The following OPHN1 variants were observed in gnomAD, a reference collection of about 807,000 sequenced individuals.
OPHN1 encodes the protein oligophrenin-1.
Under a neutral mutation model 60.7 loss-of-function variants are expected in OPHN1, and 11 were observed. That is an observed-to-expected ratio of 0.18 (90% CI 0.11 to 0.30). OPHN1 has a LOEUF of 0.30. OPHN1 is among the 10% of genes least tolerant of loss of function. The probability of loss-of-function intolerance (pLI) is 1.00; values close to 1 mark genes in which losing one functional copy is unlikely to be tolerated. For missense variants in OPHN1, 449 were observed against 611.0 expected (o/e 0.73, Z 2.80); for synonymous variants, 226 against 222.6 (o/e 1.02, Z -0.14).
At chrX:68,072,726 T>C (rs1431087069) in intron 20 of OPHN1, among the ~76,000 whole-genome samples, 2 of 112,012 alleles carry the variant, frequency 1.8e-5, no homozygotes, top group Non-Finnish European at 3.8e-5. Flanking sequence ...CACTTATCTA[T>C]GTCTCCATTT....
intron 15 of OPHN1, among the ~76,000 whole-genome samples, chrX:68,169,539 G>A (rs1399740034): frequency 2.8e-5 from 3 of 108,297 alleles, no homozygotes; most frequent in Admixed American, 9.9e-5. Context: ...TATACTACAA[G>A]GCTACAGTAA....
chrX:68,191,709 C>T lies in OPHN1; in HGVS notation c.1276+1210G>A, dbSNP rs777470691. On this transcript the variant is annotated intron_variant, in intron 15 of 24. Transcript: ENST00000355520. ...TAGATTGCAGCAGATGGAGTGGGAACTCAAGCTGAGCATGGAAGTCTTGCT... is the reference window on the plus strand; with the variant it reads ...TAGATTGCAGCAGATGGAGTGGGAATTCAAGCTGAGCATGGAAGTCTTGCT... Among the ~76,000 whole-genome samples the T allele has an allele frequency of 1.3e-3, 142 of 111,887 alleles. 1 individual carries two copies. Among genetic ancestry groups the T allele is most frequent in the Admixed American group, 2.9e-3 (31 of 10,511 alleles).
At chrX:68,217,532 T>G (rs1468654859) in intron 6 of OPHN1, among the ~76,000 whole-genome samples, 6 of 110,303 alleles carry the variant, frequency 5.4e-5, no homozygotes, top group African/African-American at 2.0e-4. Flanking sequence ...TGTCCCTGTC[T>G]GACAGCTTTG....
chrX:68,165,161 C>T (rs2077352237), intron 15 of OPHN1, among the ~76,000 whole-genome samples: 1 of 112,036 alleles, frequency 8.9e-6, no homozygotes, highest in Non-Finnish European at 1.9e-5. Context: ...TCTTTCTTAT[C>T]ATTTGTGTCT....
At chrX:68,414,146 A>G (rs2078782665) in intron 2 of OPHN1, among the ~76,000 whole-genome samples, 1 of 112,145 alleles carries the variant, frequency 8.9e-6, no homozygotes, top group Non-Finnish European at 1.9e-5. Flanking sequence ...GACCAGAACT[A>G]AAGATTGTTC....
chrX:68,406,537 G>A (rs979744473), intron 2 of OPHN1, among the ~76,000 whole-genome samples: 7 of 110,595 alleles, frequency 6.3e-5, no homozygotes, highest in Admixed American at 2.9e-4. Flanking sequence ...ACTTGAACCC[G>A]GGAGGTGGAG....
At chrX:68,149,561 C>T (rs1294491982) in intron 15 of OPHN1, among the ~76,000 whole-genome samples, 1 of 111,314 alleles carries the variant, frequency 9.0e-6, no homozygotes, top group African/African-American at 3.3e-5. Flanking sequence ...TGACATTAAT[C>T]TGTAGGGAAA....
chrX:68,100,466 T>C (rs2077053619), intron 18 of OPHN1, among the ~76,000 whole-genome samples: 1 of 111,707 alleles, frequency 9.0e-6, no homozygotes, highest in Admixed American at 9.5e-5. Context: ...TAATATGATG[T>C]CTTAGATTTG....
intron 2 of OPHN1, among the ~76,000 whole-genome samples, chrX:68,428,639 C>T (rs753963085): frequency 8.9e-6 from 1 of 112,124 alleles, no homozygotes; most frequent in Non-Finnish European, 1.9e-5. Flanking sequence ...AGTATGCATT[C>T]GCTAACTATA....
intron 3 of OPHN1, among the ~76,000 whole-genome samples, chrX:68,295,175 T>C (rs1240759993): frequency 8.9e-6 from 1 of 112,221 alleles, no homozygotes; most frequent in Non-Finnish European, 1.9e-5. Flanking sequence ...TATGAAGTTA[T>C]ACGAGAAATA....
At chrX:68,141,036 A>T (rs777210406) in intron 15 of OPHN1, among the ~76,000 whole-genome samples, 5 of 111,972 alleles carry the variant, frequency 4.5e-5, no homozygotes, top group Admixed American at 3.8e-4. Flanking sequence ...GACACCAAAC[A>T]AGAACTTGAG....
At position 68,419,834 on chromosome X, in the gene OPHN1, G is replaced by A. The variant is rs1028467830; in HGVS notation, c.154+13033C>T. Among the ~76,000 whole-genome samples, 5 of 111,440 alleles carry A rather than the reference G, an allele frequency of 4.5e-5. No individual in the cohort carries two copies. In the South Asian group the frequency reaches 1.5e-3, roughly 33 times the overall value. On this transcript the variant is annotated intron_variant, in intron 2 of 24. Coordinates refer to ENST00000355520, the MANE Select transcript of OPHN1 (RefSeq NM_002547.3). ...TGGTATTATGGACGTGAGCCACCAC[G>A]CCCCACCACTACTTTATAATTTTCT... is the stretch of plus-strand genomic sequence containing the variant.
intron 2 of OPHN1, among the ~76,000 whole-genome samples, chrX:68,394,545 T>C (rs1316533209): frequency 2.7e-5 from 3 of 112,491 alleles, no homozygotes; most frequent in Non-Finnish European, 5.6e-5. Flanking sequence ...CAAGTTAATA[T>C]TTTTATGTTA....
intron 15 of OPHN1, among the ~76,000 whole-genome samples, chrX:68,121,394 A>G (rs1047498862): frequency 8.9e-6 from 1 of 112,042 alleles, no homozygotes; most frequent in African/African-American, 3.2e-5. Flanking sequence ...AGAAAGAGAG[A>G]GTGCAGCAAT....
chrX:68,365,279 G>C (rs2078492343), intron 2 of OPHN1, among the ~76,000 whole-genome samples: 1 of 109,670 alleles, frequency 9.1e-6, no homozygotes, highest in Non-Finnish European at 1.9e-5. Context: ...GAGTTTGCTA[G>C]GTACAAAAAG....
rs1343444573 is a variant in OPHN1, at chrX:68,220,958, A to T, written c.487-6986T>A. Among the ~76,000 whole-genome samples, 3 of 93,296 alleles carry T rather than the reference A, an allele frequency of 3.2e-5. No individual in the cohort carries two copies. The Admixed American group carries it at 3.9e-4, about 12-fold the overall frequency. The allele number at this position is 93,296 out of a possible 115,157, so 81.0% of individuals were successfully genotyped here. Reference sequence around the variant, plus strand: ...GCAATTAGGCAGGAGAAGGAAATAAAGGGTATTCAATTAGGAAAAGAGGAA... The same window carrying T: ...GCAATTAGGCAGGAGAAGGAAATAATGGGTATTCAATTAGGAAAAGAGGAA... On this transcript the variant is annotated intron_variant, in intron 6 of 24. Coordinates refer to ENST00000355520, the MANE Select transcript of OPHN1 (RefSeq NM_002547.3).
At chrX:68,113,883 G>A (rs1364379967) in intron 16 of OPHN1, among the ~76,000 whole-genome samples, 4 of 103,926 alleles carry the variant, frequency 3.8e-5, no homozygotes, top group Non-Finnish European at 7.9e-5. Context: ...GTTAATGGGT[G>A]CAGCACACCA....
intron 15 of OPHN1, among the ~76,000 whole-genome samples, chrX:68,154,202 C>CAT (rs2077298349): frequency 8.9e-6 from 1 of 112,356 alleles, no homozygotes. Flanking sequence ...AACTCTATGA[C>CAT]ATGGGCACTA....
chrX:68,321,489 G>A (rs1054892183), intron 2 of OPHN1, among the ~76,000 whole-genome samples: 8 of 111,913 alleles, frequency 7.1e-5, no homozygotes, highest in African/African-American at 2.6e-4. Context: ...CATATTACAT[G>A]AAAGTCTCCC....
Sources: allele counts gnomAD v4.1 joint callset (sites outside exome capture counted in the v4.1 genomes callset), GRCh38; gene constraint gnomAD v4.1.1; transcripts MANE v1.5; gene names NCBI Gene and HGNC (gene_info 2026-07-23, HGNC 2026-07-21).